The following DCLK2 variants were observed in gnomAD, a reference collection of about 807,000 sequenced individuals.
The protein encoded by DCLK2 is serine/threonine-protein kinase DCLK2.
A neutral mutation model predicts 78.4 loss-of-function variants in DCLK2; 31 were observed. The ratio of observed to expected loss-of-function variants is 0.40; its 90% CI spans 0.30 to 0.53. The LOEUF (loss-of-function observed/expected upper bound fraction) is 0.53. Ranked by LOEUF, DCLK2 falls within the 20% of genes least tolerant of loss-of-function variation. The probability of loss-of-function intolerance (pLI) is 0.61; values close to 1 mark genes in which losing one functional copy is unlikely to be tolerated. For missense variants in DCLK2, 872 were observed against 973.7 expected, an observed-to-expected ratio of 0.90 and a Z score of 1.39; for synonymous variants, 407 against 374.9, an observed-to-expected ratio of 1.09 and a Z score of -0.99.
chr4:150,161,989 T>C (rs745920680), intron 2 of DCLK2, among the ~76,000 whole-genome samples: 2 of 152,182 alleles, frequency 1.3e-5, no homozygotes, highest in Non-Finnish European at 2.9e-5. Flanking sequence ...TCTGACCTTA[T>C]TGTGACTTTC....
chr4:150,239,529 A>T (rs891724311), intron 10 of DCLK2, among the ~76,000 whole-genome samples: 18 of 152,062 alleles, frequency 1.2e-4, no homozygotes, highest in African/African-American at 4.3e-4. Flanking sequence ...TTCAGCCCAG[A>T]GGTTGAGGCT....
At chr4:150,182,668 G>T (rs936578564) in intron 2 of DCLK2, among the ~76,000 whole-genome samples, 1 of 152,038 alleles carries the variant, frequency 6.6e-6, no homozygotes, top group African/African-American at 2.4e-5. Flanking sequence ...TATTGTTTGG[G>T]GGGTTTAAAA....
intron 2 of DCLK2, among the ~76,000 whole-genome samples, chr4:150,182,106 G>A (rs1306341092): frequency 6.6e-6 from 1 of 151,396 alleles, no homozygotes; most frequent in African/African-American, 2.4e-5. Context: ...GGAGTGCTGT[G>A]GCACCATCTC....
chr4:150,117,839 T>C (rs1732214468), intron 2 of DCLK2, among the ~76,000 whole-genome samples: 1 of 152,214 alleles, frequency 6.6e-6, no homozygotes, highest in Non-Finnish European at 1.5e-5. Context: ...CCTCTGTTGC[T>C]TCTTGGAAAA....
chr4:150,146,304 A>G (rs1441889770), intron 2 of DCLK2, among the ~76,000 whole-genome samples: 1 of 151,768 alleles, frequency 6.6e-6, no homozygotes, highest in East Asian at 1.9e-4. Context: ...GCAAAATCTC[A>G]GGTTCAACTT....
At chr4:150,117,832 C>T (rs750789714) in intron 2 of DCLK2, among the ~76,000 whole-genome samples, 30 of 152,184 alleles carry the variant, frequency 2.0e-4, no homozygotes, top group Non-Finnish European at 2.9e-4. Context: ...TTAAGTTCCT[C>T]TGTTGCTTCT....
chr4:150,126,925 T>G (rs1260711703), intron 2 of DCLK2, among the ~76,000 whole-genome samples: 1 of 152,236 alleles, frequency 6.6e-6, no homozygotes, highest in East Asian at 1.9e-4. Flanking sequence ...TTTGTCTGTC[T>G]TTGTCTCTCA....
intron 2 of DCLK2, among the ~76,000 whole-genome samples, chr4:150,135,376 G>C (rs1229342210): frequency 6.6e-6 from 1 of 152,160 alleles, no homozygotes; most frequent in Non-Finnish European, 1.5e-5. Context: ...TCCTTGGACT[G>C]GTGTTTCATA....
intron 2 of DCLK2, among the ~76,000 whole-genome samples, chr4:150,175,274 G>A (rs1736989376): frequency 7.1e-6 from 1 of 141,212 alleles, no homozygotes; most frequent in African/African-American, 2.7e-5. Flanking sequence ...GTGTTGGTGG[G>A]ACTATTTAGC....
At chr4:150,090,626 TG>T (rs1729993059) in intron 1 of DCLK2, among the ~76,000 whole-genome samples, 1 of 152,150 alleles carries the variant, frequency 6.6e-6, no homozygotes, top group Non-Finnish European at 1.5e-5. Flanking sequence ...GGTTACTGGG[TG>T]GGTTTTCGTT....
Position 150,198,065 on chromosome 4 carries a change from G to T in DCLK2, c.923G>T (p.Ser308Ile). 5 of 1,613,824 alleles carry T rather than the reference G, an allele frequency of 3.1e-6. No homozygotes were observed. The highest frequency in any genetic ancestry group is 1.7e-5 in the Admixed American group (1 of 59,972). Residue 308 changes from serine to isoleucine, a missense_variant, in exon 4 of 16, where the codon AGC becomes ATC. By Grantham distance (142) the Ser-to-Ile change is moderately radical. Transcript: ENST00000296550. ...SSAVKYSGSK[S>I]PGPSRRSKSP... ...GCTGTTAAGTATTCTGGATCCAAAA[G>T]CCCTGGGCCCTCTCGACGCAGCAAA...
intron 1 of DCLK2, among the ~76,000 whole-genome samples, chr4:150,091,649 A>G (rs1730081827): frequency 6.6e-6 from 1 of 151,502 alleles, no homozygotes; most frequent in South Asian, 2.1e-4. Flanking sequence ...TGGACATACT[A>G]TAACAGAGGT....
At chr4:150,186,817 C>CAGG (rs1422288442) in intron 2 of DCLK2, among the ~76,000 whole-genome samples, 1 of 151,944 alleles carries the variant, frequency 6.6e-6, no homozygotes, top group Non-Finnish European at 1.5e-5. Context: ...CACCTGAGCC[C>CAGG]AGGAGGTTGA....
intron 14 of DCLK2, among the ~76,000 whole-genome samples, chr4:150,249,328 G>A (rs1007881660): frequency 1.4e-4 from 22 of 152,070 alleles, no homozygotes; most frequent in African/African-American, 5.3e-4. Flanking sequence ...CCTCTCCTGG[G>A]CCTACTCTAG....
At chr4:150,138,915 T>C (rs925386836) in intron 2 of DCLK2, among the ~76,000 whole-genome samples, 16 of 152,064 alleles carry the variant, frequency 1.1e-4, no homozygotes, top group East Asian at 3.9e-4. Context: ...CTGCCCGCCT[T>C]GGCCTCCCAA....
chr4:150,157,118 C>T (rs1296820909), intron 2 of DCLK2, among the ~76,000 whole-genome samples: 2 of 150,702 alleles, frequency 1.3e-5, no homozygotes, highest in Admixed American at 6.6e-5. Context: ...ACTCAAACAC[C>T]GTGATGGAAA....
chr4:150,121,240 TG>T (rs1732518565), intron 2 of DCLK2, among the ~76,000 whole-genome samples: 1 of 74,310 alleles, frequency 1.3e-5, no homozygotes, highest in South Asian at 3.5e-4. Flanking sequence ...ATATGCTATT[TG>T]ATAGCATTTT....
chr4:150,156,919 C>T (rs998419433), intron 2 of DCLK2, among the ~76,000 whole-genome samples: 2 of 151,468 alleles, frequency 1.3e-5, no homozygotes, highest in African/African-American at 2.4e-5. Flanking sequence ...CACCGATGTG[C>T]GCCACCTGCT....
chr4:150,237,758 C>G (rs958060979), intron 10 of DCLK2, among the ~76,000 whole-genome samples: 3 of 152,148 alleles, frequency 2.0e-5, no homozygotes, highest in Non-Finnish European at 4.4e-5. Flanking sequence ...CTAAATTTTT[C>G]TCCTTCTACA....
Sources: gnomAD v4.1 joint callset for allele counts (sites outside exome capture counted in the v4.1 genomes callset) on GRCh38, gnomAD v4.1.1 for gene constraint, MANE v1.5 for transcripts, NCBI Gene and HGNC (gene_info 2026-07-23, HGNC 2026-07-21) for gene names.